CCT3: variants seen among roughly 807,000 people sequenced by gnomAD.
CCT3 encodes the protein T-complex protein 1 subunit gamma.
CCT3 carries 10 observed loss-of-function variants against 65.3 expected under a neutral mutation model. The observed-to-expected ratio is 0.15, with a 90% CI of 0.09 to 0.26. CCT3 has a LOEUF of 0.26. Among genes scored for constraint, CCT3 ranks in the 10% least tolerant of loss-of-function variants. CCT3 has a pLI of 1.00. For synonymous variants in CCT3, 225 were observed against 242.3 expected (o/e 0.93, Z 0.66); for missense variants, 626 against 708.7 (o/e 0.88, Z 1.33).
chr1:156,311,388 G>A (rs1252139971), intron 11 of CCT3, among the ~76,000 whole-genome samples, 193 bp from the exon 12 acceptor site: 1 of 152,208 alleles, frequency 6.6e-6, no homozygotes, highest in Non-Finnish European at 1.5e-5. Context: ...AATATAGGAT[G>A]GCGGGGAGTG....
In CCT3 at chr1:156,326,845, T is replaced by G. The variant is rs545554787; in HGVS notation, c.305-1756A>C. On this transcript the variant is annotated intron_variant, in intron 5 of 13. Transcript: ENST00000295688. ...GCAAATCGCTTGAGACCAGGAGTTT[T>G]GAGACTAGCCTGGACAACATGGTGA... is the stretch of plus-strand genomic sequence containing the variant. Among the ~76,000 whole-genome samples, 7 of 152,114 alleles carry G rather than the reference T, an allele frequency of 4.6e-5. No homozygotes were observed. In the East Asian group the frequency reaches 1.2e-3, roughly 25 times the overall value.
chr1:156,328,628 T>C (rs1664965787), intron 5 of CCT3, among the ~76,000 whole-genome samples: 1 of 152,052 alleles, frequency 6.6e-6, no homozygotes, highest in East Asian at 1.9e-4. Context: ...CGGTGCAAGA[T>C]GTGCTTTGTT....
At chr1:156,320,539 G>A (rs1664504690) in intron 7 of CCT3, among the ~76,000 whole-genome samples, 1 of 152,228 alleles carries the variant, frequency 6.6e-6, no homozygotes, top group Non-Finnish European at 1.5e-5. Flanking sequence ...CTTGAGGCCA[G>A]GAGTTCAAGA....
At position 156,312,220 on chromosome 1, in the gene CCT3, C is replaced by A; in HGVS notation, c.976G>T (p.Ala326Ser). 6.2e-7 allele frequency: 1 copy of A among 1,613,330 alleles called. No individual in the cohort carries two copies. Among genetic ancestry groups the A allele is most frequent in the South Asian group, 1.1e-5 (1 of 90,990 alleles). Residue 326 changes from alanine to serine, a missense_variant and splice_region_variant, in exon 11 of 14, where the codon GCC (alanine) becomes TCC (serine). Coordinates refer to ENST00000295688, the MANE Select transcript of CCT3 (RefSeq NM_005998.5). ...RKTDNNRIAR[A>S]CGARIVSRPE... ...CGGCTGACTATCCGGGCCCCACAGG[C>A]TCTAATGGACGGAAGAGGTGGGGAG...
chr1:156,317,497 C>G lies in CCT3; in HGVS notation c.810G>C (p.Met270Ile), dbSNP rs763865939. 2.5e-6 allele frequency: 4 copies of G among 1,613,824 alleles called. No homozygotes were observed. Among genetic ancestry groups the G allele is most frequent in the Non-Finnish European group, 3.4e-6 (4 of 1,179,854 alleles). Residue 270 changes from methionine to isoleucine, a missense_variant, in exon 9 of 14, where the codon ATG becomes ATC. Transcript: ENST00000295688. ...AGAGCTGCTGGATGTACTCTTCCTC[C>G]ATCTGGAGAATTCGGGTGAAGTCCT... ...REEDFTRILQ[M>I]EEEYIQQLCE...
intron 5 of CCT3, among the ~76,000 whole-genome samples, chr1:156,329,495 C>T (rs867869073): frequency 6.6e-6 from 1 of 151,746 alleles, no homozygotes; most frequent in African/African-American, 2.4e-5. Context: ...TTAGCAAAGA[C>T]AGGGTTTCAC....
intron 12 of CCT3, 52 bp downstream of exon 12, chr1:156,310,898 C>A (rs1664058655): frequency 3.1e-6 from 5 of 1,587,438 alleles, no homozygotes; most frequent in Admixed American, 3.5e-5. Flanking sequence ...CCCCTCAGGG[C>A]AAACACAGCT....
Position 156,321,042 on chromosome 1 carries a change from C to A in CCT3, c.423-17G>T. The A allele has an allele frequency of 6.2e-7, 1 of 1,605,856 alleles. No homozygotes were observed. The highest frequency in any genetic ancestry group is 8.5e-7 in the Non-Finnish European group (1 of 1,173,204). ...ACTGGGATACTAGAGAAAAGAAAACCAGACGATATGTGAAGAAGGCATGTT... is the reference window on the plus strand; with the variant it reads ...ACTGGGATACTAGAGAAAAGAAAACAAGACGATATGTGAAGAAGGCATGTT... On this transcript the variant is annotated splice_polypyrimidine_tract_variant and intron_variant, in intron 6 of 13. Transcript: ENST00000295688.
intron 5 of CCT3, 37 bp downstream of exon 5, chr1:156,333,510 C>G: frequency 6.8e-7 from 1 of 1,469,372 alleles, no homozygotes; most frequent in South Asian, 1.1e-5. Flanking sequence ...GGTGTTACTT[C>G]TAATTTTTCC....
intron 7 of CCT3, among the ~76,000 whole-genome samples, chr1:156,319,650 T>C (rs1439819381): frequency 2.0e-5 from 3 of 152,054 alleles, no homozygotes; most frequent in Admixed American, 6.6e-5. Context: ...GGCAGGAGGA[T>C]CCCTTGAGGC....
chr1:156,325,400 G>C (rs1052356526), intron 5 of CCT3, among the ~76,000 whole-genome samples: 2 of 152,002 alleles, frequency 1.3e-5, no homozygotes, highest in Admixed American at 1.3e-4. Context: ...GGTGGTATGA[G>C]CCTGCAGTCC....
intron 4 of CCT3, 145 bp from the exon 5 acceptor site, chr1:156,333,788 C>T (rs1195719965): frequency 3.3e-6 from 2 of 601,960 alleles, no homozygotes; most frequent in African/African-American, 3.7e-5. Flanking sequence ...TTAAAATTGG[C>T]ACCCCAAATA....
At chr1:156,333,721 C>T (rs1362527510) in intron 4 of CCT3, 78 bp from the exon 5 acceptor site, 6 of 1,029,606 alleles carry the variant, frequency 5.8e-6, no homozygotes, top group African/African-American at 1.6e-5. Flanking sequence ...AACTCTTGGG[C>T]TTCTTGCTTC....
chr1:156,333,716 T>G, intron 4 of CCT3, 73 bp from the exon 5 acceptor site: 1 of 1,108,760 alleles, frequency 9.0e-7, no homozygotes, highest in Non-Finnish European at 1.4e-6. Flanking sequence ...GCCCTAACTC[T>G]TGGGCTTCTT....
intron 5 of CCT3, among the ~76,000 whole-genome samples, chr1:156,326,670 A>G (rs1488604019): frequency 8.6e-6 from 1 of 116,396 alleles, no homozygotes; most frequent in East Asian, 2.5e-4. Flanking sequence ...AAAAAAAGAA[A>G]AAGAAAAAAA....
chr1:156,323,557 C>T (rs1459080620), intron 6 of CCT3, among the ~76,000 whole-genome samples: 2 of 152,084 alleles, frequency 1.3e-5, no homozygotes, highest in East Asian at 1.9e-4. Context: ...CTCTGCCTCC[C>T]GGGTTCATGC....
intron 5 of CCT3, among the ~76,000 whole-genome samples, chr1:156,328,598 AG>A (rs1664964528): frequency 1.3e-5 from 2 of 151,846 alleles, no homozygotes; most frequent in Non-Finnish European, 1.5e-5. Context: ...GTGTCCACTC[AG>A]GGTTAAATGG....
At chr1:156,327,435 C>T (rs904963710) in intron 5 of CCT3, among the ~76,000 whole-genome samples, 6 of 151,998 alleles carry the variant, frequency 3.9e-5, no homozygotes, top group Admixed American at 1.3e-4. Context: ...CGATTGCAGG[C>T]GCGCGCCGCC....
At chr1:156,324,639 T>TG (rs2101653865) in intron 6 of CCT3, among the ~76,000 whole-genome samples, 1 of 151,834 alleles carries the variant, frequency 6.6e-6, no homozygotes, top group East Asian at 1.9e-4. Flanking sequence ...ACCCAGCTGA[T>TG]TTTTTTTGAG....
Sources: allele counts gnomAD v4.1 joint callset (sites outside exome capture counted in the v4.1 genomes callset), GRCh38; gene constraint gnomAD v4.1.1; transcripts MANE v1.5; gene names NCBI Gene and HGNC (gene_info 2026-07-23, HGNC 2026-07-21).